UCHL3: variants seen among roughly 807,000 people sequenced by gnomAD.
UCHL3 encodes the protein ubiquitin C-terminal hydrolase L3.
UCHL3 carries 22 observed loss-of-function variants against 35.8 expected under a neutral mutation model. The observed-to-expected ratio is 0.61, with a 90% CI of 0.44 to 0.88. The LOEUF (loss-of-function observed/expected upper bound fraction) is 0.88. UCHL3 is among the 40% of genes least tolerant of loss of function. The probability of loss-of-function intolerance (pLI) is 0.00; values close to 1 mark genes in which losing one functional copy is unlikely to be tolerated. For synonymous variants in UCHL3, 90 were observed against 92.8 expected (o/e 0.97, Z 0.17); for missense variants, 229 against 276.9 (o/e 0.83, Z 1.23).
At chr13:75,553,588 A>G (rs1187025089) in intron 2 of UCHL3, among the ~76,000 whole-genome samples, 4 of 152,196 alleles carry the variant, frequency 2.6e-5, no homozygotes. Context: ...CGCCTCAGCC[A>G]CTTCATCCTA....
chr13:75,573,547 G>C (rs1817357004), intron 6 of UCHL3, among the ~76,000 whole-genome samples: 1 of 152,104 alleles, frequency 6.6e-6, no homozygotes, highest in African/African-American at 2.4e-5. Flanking sequence ...GTCCCTTCCT[G>C]GCTTGTAGAC....
chr13:75,592,445 T>TACAC (rs1183572195), intron 6 of UCHL3, among the ~76,000 whole-genome samples: 1 of 55,696 alleles, frequency 1.8e-5, no homozygotes, highest in African/African-American at 7.0e-5. Flanking sequence ...TATATATATA[T>TACAC]ATATATATAT....
At chr13:75,561,541 AAT>A (rs8192743) in intron 3 of UCHL3, among the ~76,000 whole-genome samples, 12 of 150,264 alleles carry the variant, frequency 8.0e-5, no homozygotes, top group Admixed American at 1.3e-4. Flanking sequence ...CAGTTTTTTC[AAT>A]ATATATATAT....
chr13:75,602,063 T>A (rs1015973956), intron 7 of UCHL3, among the ~76,000 whole-genome samples: 1 of 151,982 alleles, frequency 6.6e-6, no homozygotes. Context: ...GAGCTGAGAT[T>A]GTGCCACTGT....
chr13:75,574,550 A>AGC (rs1384400015), intron 6 of UCHL3, among the ~76,000 whole-genome samples: 10 of 152,220 alleles, frequency 6.6e-5, no homozygotes, highest in African/African-American at 1.9e-4. Context: ...CTTAGGCAGG[A>AGC]TACTTTCTTC....
At chr13:75,592,460 A>ATATG (rs1566228234) in intron 6 of UCHL3, among the ~76,000 whole-genome samples, 9 of 110,294 alleles carry the variant, frequency 8.2e-5, no homozygotes, top group Non-Finnish European at 1.1e-4. Context: ...ATATATATAT[A>ATATG]TATATATGAA....
At chr13:75,595,787 C>CT (rs11364688) in intron 7 of UCHL3, among the ~76,000 whole-genome samples, 8 of 144,990 alleles carry the variant, frequency 5.5e-5, no homozygotes, top group Non-Finnish European at 7.5e-5. Context: ...TATACCTGTA[C>CT]TTTTTTTTTT....
intron 2 of UCHL3, among the ~76,000 whole-genome samples, chr13:75,550,767 C>G (rs1420694587): frequency 6.9e-6 from 1 of 145,442 alleles, no homozygotes; most frequent in Non-Finnish European, 1.5e-5. Context: ...TTTTTTACTG[C>G]TCTCCTAGTT....
chr13:75,584,031 G>A (rs1009086617), intron 6 of UCHL3, among the ~76,000 whole-genome samples: 1 of 152,182 alleles, frequency 6.6e-6, no homozygotes, highest in African/African-American at 2.4e-5. Flanking sequence ...GGAAAGGCGT[G>A]AAGCCTGGAT....
chr13:75,597,721 C>A (rs1448448706), intron 7 of UCHL3, among the ~76,000 whole-genome samples: 1 of 151,978 alleles, frequency 6.6e-6, no homozygotes, highest in African/African-American at 2.4e-5. Context: ...TGGAACCAGT[C>A]CCCCACAGAT....
intron 5 of UCHL3, among the ~76,000 whole-genome samples, chr13:75,568,506 A>G (rs2031755841): frequency 6.6e-6 from 1 of 151,716 alleles, no homozygotes; most frequent in Non-Finnish European, 1.5e-5. Context: ...TTTAAACAAG[A>G]ATTTGATCAT....
At chr13:75,582,618 A>G (rs1039395343) in intron 6 of UCHL3, among the ~76,000 whole-genome samples, 1 of 152,250 alleles carries the variant, frequency 6.6e-6, no homozygotes, top group African/African-American at 2.4e-5. Flanking sequence ...TAAGACTTTT[A>G]TGAAAGATTC....
In UCHL3 at chr13:75,573,092, C is replaced by T. The variant is rs183732548; in HGVS notation, c.474+3585C>T. On this transcript the variant is annotated intron_variant, in intron 6 of 8. Coordinates refer to ENST00000377595, the MANE Select transcript of UCHL3 (RefSeq NM_006002.5). ...CTAGCCTGGCCAACATGGTGAACCC[C>T]GTCTCTACTAAAAATACAAAAATCA... Among the ~76,000 whole-genome samples the T allele has an allele frequency of 3.3e-5, 5 of 152,134 alleles. No individual in the cohort carries two copies. The East Asian group carries it at 9.7e-4, about 29-fold the overall frequency.
chr13:75,556,198 A>G (rs955251383), intron 2 of UCHL3, among the ~76,000 whole-genome samples: 3 of 152,242 alleles, frequency 2.0e-5, no homozygotes, highest in Non-Finnish European at 1.5e-5. Flanking sequence ...TAGTTAGTCC[A>G]TATTGAGCCT....
At chr13:75,571,296 T>C (rs747021143) in intron 6 of UCHL3, among the ~76,000 whole-genome samples, 5 of 152,326 alleles carry the variant, frequency 3.3e-5, no homozygotes, top group South Asian at 2.1e-4. Flanking sequence ...TCATCCAAAT[T>C]ATGGATTTAC....
chr13:75,549,763 A>AGCGGCGGCGGCGGCGAAG (rs2138436013), upstream of UCHL3: 1 of 1,445,478 alleles, frequency 6.9e-7, no homozygotes, highest in Non-Finnish European at 9.0e-7. Context: ...CGTGGGCGGA[A>AGCGGCGGCGGCGGCGAAG]GCGGCGGCGG....
chr13:75,562,242 TC>T (rs2031542618), intron 3 of UCHL3, among the ~76,000 whole-genome samples: 2 of 152,090 alleles, frequency 1.3e-5, no homozygotes, highest in African/African-American at 4.8e-5. Flanking sequence ...TTTTTTCTCT[TC>T]TACTTAAGGG....
intron 7 of UCHL3, among the ~76,000 whole-genome samples, chr13:75,603,925 AT>A (rs1185773495): frequency 6.6e-6 from 1 of 152,156 alleles, no homozygotes; most frequent in Non-Finnish European, 1.5e-5. Context: ...ACAAATTCTG[AT>A]GATATAATTT....
intron 6 of UCHL3, among the ~76,000 whole-genome samples, chr13:75,574,930 T>C (rs2031975765): frequency 6.6e-6 from 1 of 152,172 alleles, no homozygotes. Context: ...ACCCTGAGAA[T>C]TCTACAGAGG....
Sources: allele counts gnomAD v4.1 joint callset (sites outside exome capture counted in the v4.1 genomes callset), GRCh38; gene constraint gnomAD v4.1.1; transcripts MANE v1.5; gene names NCBI Gene and HGNC (gene_info 2026-07-23, HGNC 2026-07-21).